Variants in RASGRF1 observed in about 807,000 individuals in gnomAD.
RASGRF1 encodes the protein Ras protein specific guanine nucleotide releasing factor 1.
A neutral mutation model predicts 138.7 loss-of-function variants in RASGRF1; 40 were observed. The ratio of observed to expected loss-of-function variants is 0.29; its 90% confidence interval spans 0.22 to 0.38. The LOEUF is 0.38. Among genes scored for constraint, RASGRF1 ranks in the 10% least tolerant of loss-of-function variants. The pLI, the probability that RASGRF1 is intolerant of heterozygous loss-of-function variation, is 1.00. For missense variants in RASGRF1, 1,108 were observed against 1,650.4 expected (o/e 0.67, Z 5.69); for synonymous variants, 614 against 663.2 (o/e 0.93, Z 1.14).
In RASGRF1 at chr15:79,032,363, G is replaced by C; in HGVS notation, c.959-47C>G. ...CGGGTGGCTAGGGCAGCTTGGTGGG[G>C]ACAGAATCCCCTAGGCCCTTGGCTC... On this transcript the variant is annotated intron_variant, in intron 6 of 26. Coordinates refer to ENST00000558480, the MANE Select transcript of RASGRF1 (RefSeq NM_001145648.3). The surrounding 1 kb of genome is among the most constrained non-coding windows in gnomAD (Gnocchi z 4.5). 1 of 1,580,982 alleles carries C rather than the reference G, an allele frequency of 6.3e-7. No homozygotes were observed. Among genetic ancestry groups the C allele is most frequent in the Non-Finnish European group, 8.7e-7 (1 of 1,154,296 alleles).
chr15:78,978,220 G>GTTTTTTTTTTTTTT (rs71148584), intron 24 of RASGRF1, among the ~76,000 whole-genome samples: 1 of 125,098 alleles, frequency 8.0e-6, no homozygotes, highest in African/African-American at 4.0e-5. Context: ...CTTTTCTTTT[G>GTTTTTTTTTTTTTT]TTTTTTTTTT....
chr15:79,005,749 T>C (rs1374941222), intron 14 of RASGRF1: 33 of 466,354 alleles, frequency 7.1e-5, no homozygotes, highest in African/African-American at 9.4e-5. Context: ...CTCCCTCCCT[T>C]CCTTCCTTCC....
Position 79,046,628 on chromosome 15 carries a change from C to T in RASGRF1, c.878+118G>A, listed in dbSNP as rs2057357237. 4 of 1,499,154 alleles carry T rather than the reference C, an allele frequency of 2.7e-6. No homozygotes were observed. Among genetic ancestry groups the T allele is most frequent in the South Asian group, 1.3e-5 (1 of 78,854 alleles). The allele number at this position is 1,499,154 out of a possible 1,614,324, so 92.9% of individuals were successfully genotyped here. A position where few individuals can be genotyped will look rare whatever the true frequency, so the allele number is the denominator to read the frequency against. ...GCCACGTGATCTTGGGCACTTCTGT[C>T]CTCTCTGGGCCTCATCTGCACTCGG... On this transcript the variant is annotated intron_variant, in intron 5 of 26. Transcript: ENST00000558480. The surrounding 1 kb of genome is among the most constrained non-coding windows in gnomAD (Gnocchi z 5.3).
intron 15 of RASGRF1, among the ~76,000 whole-genome samples, chr15:79,003,480 A>G (rs1180841478): frequency 6.6e-6 from 1 of 152,230 alleles, no homozygotes; most frequent in Non-Finnish European, 1.5e-5. Flanking sequence ...GACATGGACA[A>G]ACACAGGGAT....
At chr15:78,998,033 G>A in intron 19 of RASGRF1, 63 bp downstream of exon 19, 1 of 1,437,036 alleles carries the variant, frequency 7.0e-7, no homozygotes. Flanking sequence ...CCACATGGAG[G>A]CAGAAGGCAG....
chr15:79,055,710 G>T (rs189126675), intron 3 of RASGRF1, among the ~76,000 whole-genome samples: 1 of 152,008 alleles, frequency 6.6e-6, no homozygotes, highest in Non-Finnish European at 1.5e-5. Context: ...TTAAGGCCAC[G>T]TGCAACATAA....
rs1018970057 is a variant in RASGRF1, at chr15:79,006,701, G to A, written c.1827-267C>T. 4.4e-4 allele frequency among the ~76,000 whole-genome samples: 67 copies of A among 152,334 alleles called. No homozygotes were observed. Among genetic ancestry groups the A allele is most frequent in the Middle Eastern group, 6.8e-3 (2 of 294 alleles). On this transcript the variant is annotated intron_variant, in intron 13 of 26. Transcript: ENST00000558480. This position sits in a 1 kb window ranked among gnomAD's most constrained non-coding sequence, Gnocchi z 4.0. Reference sequence around the variant, plus strand: ...TTGTTGTTGAGTTCACAAGACGTAAGGAACTCTGTTTACACAAATGTGTAT... The same window carrying A: ...TTGTTGTTGAGTTCACAAGACGTAAAGAACTCTGTTTACACAAATGTGTAT...
chr15:78,964,673 C>G (rs2055609085), intron 26 of RASGRF1, among the ~76,000 whole-genome samples: 1 of 152,190 alleles, frequency 6.6e-6, no homozygotes, highest in Admixed American at 6.5e-5. Flanking sequence ...CACAGACCCT[C>G]AAATACTGCT....
At chr15:79,082,003 G>A (rs2057920073) in intron 1 of RASGRF1, among the ~76,000 whole-genome samples, 1 of 152,186 alleles carries the variant, frequency 6.6e-6, no homozygotes, top group African/African-American at 2.4e-5. Flanking sequence ...TCCTGCCCCT[G>A]TAAGCTCTGA....
In RASGRF1 at chr15:78,979,423, C is replaced by T. The variant is rs150198020; in HGVS notation, c.3494+1197G>A. 439 of 210,108 alleles carry T rather than the reference C, an allele frequency of 2.1e-3. 1 individual carries two copies. The highest frequency in any genetic ancestry group is 4.4e-3 in the African/African-American group (194 of 43,618). 13.0% of individuals were successfully genotyped at this position (210,108 alleles called of 1,614,324 possible). On this transcript the variant is annotated intron_variant, in intron 24 of 26. Coordinates refer to ENST00000558480, the MANE Select transcript of RASGRF1 (RefSeq NM_001145648.3). ...AAACTCTGGTGTTCCCTGCGTCAGC[C>T]GTGATCATGGGAACACCAGGAAGCG...
chr15:79,023,427 G>A (rs551482325), intron 10 of RASGRF1, among the ~76,000 whole-genome samples: 1 of 152,334 alleles, frequency 6.6e-6, no homozygotes, highest in South Asian at 2.1e-4. Context: ...ATGTGTGTGA[G>A]GGATGGAGCT....
intron 26 of RASGRF1, among the ~76,000 whole-genome samples, chr15:78,963,407 T>C (rs2055585239): frequency 6.6e-6 from 1 of 151,916 alleles, no homozygotes; most frequent in Non-Finnish European, 1.5e-5. Flanking sequence ...GTTCAAGCAA[T>C]TGTCCTGTCT....
chr15:79,070,590 C>G (rs148378967), intron 1 of RASGRF1, among the ~76,000 whole-genome samples: 2 of 152,214 alleles, frequency 1.3e-5, no homozygotes, highest in East Asian at 1.9e-4. Flanking sequence ...AGCTGTGTAA[C>G]CTGGGGCCAG....
At chr15:79,003,684 G>T in intron 15 of RASGRF1, 118 bp downstream of exon 15, 1 of 1,446,594 alleles carries the variant, frequency 6.9e-7, no homozygotes, top group Non-Finnish European at 9.2e-7. Context: ...GGACCCCCAA[G>T]CCTCTCCCTT....
intron 24 of RASGRF1, among the ~76,000 whole-genome samples, chr15:78,974,385 C>T (rs1329336447): frequency 1.3e-5 from 2 of 152,176 alleles, no homozygotes; most frequent in African/African-American, 4.8e-5. Context: ...CACCTGGCAA[C>T]CCTGCTAGCC....
At chr15:79,003,535 C>T (rs756502259) in intron 15 of RASGRF1, among the ~76,000 whole-genome samples, 3 of 152,234 alleles carry the variant, frequency 2.0e-5, no homozygotes, top group Non-Finnish European at 4.4e-5. Flanking sequence ...CTAAATTGCT[C>T]GTGATGGGAA....
chr15:78,972,651 A>C (rs1046796964), intron 25 of RASGRF1, among the ~76,000 whole-genome samples: 13 of 152,080 alleles, frequency 8.5e-5, no homozygotes, highest in Non-Finnish European at 1.9e-4. Context: ...GTGCCTGAAA[A>C]AACCCTTTCC....
Position 79,047,016 on chromosome 15 carries a change from G to A in RASGRF1, c.625-17C>T. On this transcript the variant is annotated splice_polypyrimidine_tract_variant and intron_variant, in intron 4 of 26. Transcript: ENST00000558480. ...GCTCTGCACCTGAGCAGCAAGACCG[G>A]TGGGGAGAGGCTCCTGTCAGGGAGT... 2 of 1,603,104 alleles carry A rather than the reference G, an allele frequency of 1.2e-6. No individual in the cohort carries two copies. The highest frequency in any genetic ancestry group is 1.1e-5 in the South Asian group (1 of 90,972).
intron 26 of RASGRF1, among the ~76,000 whole-genome samples, chr15:78,968,881 C>T (rs1307110504): frequency 6.6e-6 from 1 of 152,120 alleles, no homozygotes; most frequent in East Asian, 1.9e-4. Flanking sequence ...CATTCTCCAC[C>T]CCTGATACCC....
Sources: gnomAD v4.1 joint callset for allele counts (sites outside exome capture counted in the v4.1 genomes callset) on GRCh38, gnomAD v4.1.1 for gene constraint, Gnocchi (gnomAD v3.1) non-coding constraint, MANE v1.5 for transcripts, NCBI Gene and HGNC (gene_info 2026-07-23, HGNC 2026-07-21) for gene names.